Variants in OR51B5 observed in about 807,000 individuals in gnomAD.
OR51B5 encodes olfactory receptor family 51 subfamily B member 5.
For missense variants in OR51B5, 456 were observed against 374.6 expected (o/e 1.22, Z -1.79); for synonymous variants, 186 against 144.8 (o/e 1.28, Z -2.04).
chr11:5,424,169 A>C (rs1426801995), intron 1 of OR51B5, among the ~76,000 whole-genome samples: 1 of 152,168 alleles, frequency 6.6e-6, no homozygotes, highest in Admixed American at 6.5e-5. Flanking sequence ...ATCCACTTAG[A>C]TTTGAATCAA....
In OR51B5 at chr11:5,501,363, A is replaced by G. The variant is rs549701896; in HGVS notation, n.84+4206T>C. Among the ~76,000 whole-genome samples, 7 of 148,312 alleles carry G rather than the reference A, an allele frequency of 4.7e-5. 1 individual carries two copies. Among genetic ancestry groups the G allele is most frequent in the African/African-American group, 9.7e-5 (4 of 41,242 alleles). ...AGTAGATTCGGGCTAAATGTGGCTTACGATAGTCTTAAAAGTTTATTTAAA... is the reference window on the plus strand; with the variant it reads ...AGTAGATTCGGGCTAAATGTGGCTTGCGATAGTCTTAAAAGTTTATTTAAA... On this transcript the variant is annotated intron_variant and non_coding_transcript_variant, in intron 1 of 4. Transcript: ENST00000415970.
intron 1 of OR51B5, among the ~76,000 whole-genome samples, chr11:5,486,477 G>C (rs1206616310): frequency 1.3e-5 from 1 of 74,684 alleles, no homozygotes; most frequent in Non-Finnish European, 2.6e-5. Context: ...GAAATGTGGG[G>C]GCATGTGACA....
chr11:5,409,664 A>G (rs779233684), intron 1 of OR51B5, among the ~76,000 whole-genome samples: 4 of 152,302 alleles, frequency 2.6e-5, no homozygotes, highest in Non-Finnish European at 5.9e-5. Flanking sequence ...AAGACGTGAA[A>G]TACATGTAGG....
intron 1 of OR51B5, among the ~76,000 whole-genome samples, chr11:5,471,232 A>T (rs1456109983): frequency 3.3e-5 from 5 of 152,324 alleles, no homozygotes; most frequent in Admixed American, 2.0e-4. Flanking sequence ...AACTCCCTGT[A>T]ACTGTCTGTG....
At chr11:5,497,267 A>C (rs1277992157) in intron 1 of OR51B5, among the ~76,000 whole-genome samples, 6 of 152,192 alleles carry the variant, frequency 3.9e-5, no homozygotes, top group Admixed American at 3.9e-4. Flanking sequence ...TCTACTAAAA[A>C]TACAAAAATT....
At chr11:5,487,855 C>T (rs908937204) in intron 1 of OR51B5, among the ~76,000 whole-genome samples, 1 of 152,142 alleles carries the variant, frequency 6.6e-6, no homozygotes, top group Non-Finnish European at 1.5e-5. Flanking sequence ...ATTTACCTCA[C>T]ACTTCCTTCT....
chr11:5,441,141 A>G (rs1237720637), intron 1 of OR51B5: 5 of 1,613,878 alleles, frequency 3.1e-6, no homozygotes. Flanking sequence ...AATAGCCACA[A>G]AGCGATCCAA....
chr11:5,342,478 T>A, downstream of OR51B5: 1 of 1,330,888 alleles, frequency 7.5e-7, no homozygotes, highest in Non-Finnish European at 1.0e-6. Flanking sequence ...TTTTAACACC[T>A]ATTTTACCAA....
At chr11:5,358,820 G>C (rs1012924611) in intron 1 of OR51B5, among the ~76,000 whole-genome samples, 2 of 151,716 alleles carry the variant, frequency 1.3e-5, no homozygotes, top group African/African-American at 4.8e-5. Flanking sequence ...TCATCCCTGG[G>C]ATGCAAGGCT....
intron 1 of OR51B5, among the ~76,000 whole-genome samples, chr11:5,459,647 C>T (rs1851016856): frequency 6.7e-6 from 1 of 150,228 alleles, no homozygotes; most frequent in South Asian, 2.2e-4. Flanking sequence ...TATCACTGAT[C>T]TTTAGGGAAA....
At chr11:5,386,142 G>T (rs1022950360) in intron 1 of OR51B5, among the ~76,000 whole-genome samples, 1 of 151,990 alleles carries the variant, frequency 6.6e-6, no homozygotes, top group Non-Finnish European at 1.5e-5. Context: ...GTGTTTACTG[G>T]TTGGAAAAAC....
intron 1 of OR51B5, chr11:5,422,822 A>C: frequency 6.2e-7 from 1 of 1,614,086 alleles, no homozygotes; most frequent in Non-Finnish European, 8.5e-7. Context: ...TGCCTTGCTC[A>C]TTATTATCGT....
chr11:5,440,529 A>C (rs1850661743), intron 1 of OR51B5: 4 of 1,448,070 alleles, frequency 2.8e-6, no homozygotes, highest in Non-Finnish European at 3.8e-6. Flanking sequence ...AACATGTCCC[A>C]ATCCTTCCTC....
intron 1 of OR51B5, chr11:5,422,577 T>C (rs746868627): frequency 6.2e-7 from 1 of 1,614,208 alleles, no homozygotes; most frequent in Non-Finnish European, 8.5e-7. Context: ...GACTGCTATG[T>C]GGCCATCTGC....
At chr11:5,489,412 G>T (rs752621214) in intron 1 of OR51B5, 39 of 1,613,636 alleles carry the variant, frequency 2.4e-5, no homozygotes, top group Non-Finnish European at 3.0e-5. Context: ...ATCTCATGAT[G>T]CCCAGCACAA....
In OR51B5 at chr11:5,423,247, T is replaced by A. The variant is rs1344613612; in HGVS notation, n.85-76337A>T. The A allele has an allele frequency of 2.8e-6, 4 of 1,408,842 alleles. No homozygotes were observed. In the African/African-American group the frequency reaches 5.8e-5, roughly 20 times the overall value. 87.3% of individuals were successfully genotyped at this position (1,408,842 alleles called of 1,614,324 possible). ...TAGGAAACTATAAAATAAAACTTCA[T>A]CATAATATTAAGGCAGTATGACAAG... is the stretch of plus-strand genomic sequence containing the variant. On this transcript the variant is annotated intron_variant and non_coding_transcript_variant, in intron 1 of 4. Coordinates refer to the OR51B5 transcript ENST00000415970.
chr11:5,360,245 T>C (rs1849260262), intron 1 of OR51B5, among the ~76,000 whole-genome samples: 2 of 151,684 alleles, frequency 1.3e-5, no homozygotes, highest in South Asian at 4.2e-4. Context: ...AATCTACTCA[T>C]CCGACAAAGG....
rs776247574 is a variant in OR51B5, at chr11:5,362,968, T to TA, written n.85-16059dup. On this transcript the variant is annotated intron_variant and non_coding_transcript_variant, in intron 1 of 4. Transcript: ENST00000415970. The stretch of plus-strand genomic sequence containing the variant: ...TATAATAAATGCAGATGTATGGCAT[T>TA]AAAAAAAAAAAAGAAATAATAGAAG... 6.7e-3 allele frequency: 974 copies of TA among 144,976 alleles called. 1 individual carries two copies. The highest frequency in any genetic ancestry group is 0.014 in the Middle Eastern group (4 of 290). 9.0% of individuals were successfully genotyped at this position (144,976 alleles called of 1,614,324 possible).
At chr11:5,415,709 T>C (rs985776949) in intron 1 of OR51B5, among the ~76,000 whole-genome samples, 14 of 151,958 alleles carry the variant, frequency 9.2e-5, no homozygotes, top group Non-Finnish European at 1.9e-4. Context: ...ACATACACTC[T>C]GCCAAGACTA....
Sources: gnomAD v4.1 joint callset for allele counts (sites outside exome capture counted in the v4.1 genomes callset) on GRCh38, gnomAD v4.1.1 for gene constraint, MANE v1.5 for transcripts, NCBI Gene and HGNC (gene_info 2026-07-23, HGNC 2026-07-21) for gene names.